The following SNAPC3 variants were observed in gnomAD, a reference collection of about 807,000 sequenced individuals.
SNAPC3 encodes snRNA-activating protein complex subunit 3.
In SNAPC3, 56 loss-of-function variants were observed where a neutral mutation model predicts 47.7. The observed-to-expected ratio is 1.18, with a 90% CI of 0.95 to 1.47. SNAPC3 has a LOEUF of 1.47. SNAPC3 is among the 40% of genes most tolerant of loss of function. The pLI is 0.00. For synonymous variants in SNAPC3, 235 were observed against 189.9 expected (o/e 1.24, Z -1.95); for missense variants, 665 against 511.3 (o/e 1.30, Z -2.90).
chr9:15,423,172 C>T lies in SNAPC3; in HGVS notation c.293C>T (p.Ala98Val), dbSNP rs926777093. 2.5e-6 allele frequency: 4 copies of T among 1,577,750 alleles called. No individual in the cohort carries two copies. The highest frequency in any genetic ancestry group is 3.4e-6 in the Non-Finnish European group (4 of 1,170,896). Reference protein sequence around the residue: ...RDLDCSLEAAAELRAVCGLDK... With the variant: ...RDLDCSLEAAVELRAVCGLDK... ...CTGGACTGCAGCCTGGAGGCGGCGG[C>T]TGAGCTGAGGGCGGTGTGCGGGTGA... The change falls in exon 1 of 9, where the codon GCT (alanine) becomes GTT (valine). Residue 98 changes from alanine (A) to valine (V), a missense_variant. Physicochemically the swap from Ala to Val is moderately conservative, Grantham distance 64 (BLOSUM62 0). Transcript: ENST00000380821.
intron 3 of SNAPC3, among the ~76,000 whole-genome samples, chr9:15,439,044 C>G (rs542544876): frequency 2.0e-5 from 3 of 152,218 alleles, no homozygotes; most frequent in Non-Finnish European, 4.4e-5. Flanking sequence ...GGGTCTTGCT[C>G]TCTTGCCCAG....
downstream of SNAPC3, chr9:15,465,147 C>A (rs1221979050): frequency 8.5e-6 from 2 of 236,310 alleles, no homozygotes; most frequent in Non-Finnish European, 1.7e-5. Flanking sequence ...ATGCACAAAA[C>A]CCACAGTATT....
intron 7 of SNAPC3, among the ~76,000 whole-genome samples, chr9:15,456,554 A>G (rs1009487337): frequency 2.6e-5 from 4 of 151,916 alleles, no homozygotes; most frequent in African/African-American, 9.7e-5. Flanking sequence ...TGCAGCCTCA[A>G]CCTCCTGGGC....
intron 3 of SNAPC3, among the ~76,000 whole-genome samples, chr9:15,437,045 C>T (rs1208741367): frequency 6.6e-6 from 1 of 151,756 alleles, no homozygotes; most frequent in Non-Finnish European, 1.5e-5. Context: ...AACTGGTCTC[C>T]AACTCCCAGC....
intron 5 of SNAPC3, among the ~76,000 whole-genome samples, chr9:15,449,561 ATATTTTTT>A (rs1172107010): frequency 1.6e-4 from 7 of 43,308 alleles, no homozygotes; most frequent in African/African-American, 8.3e-4. Flanking sequence ...ATATATATAT[ATATTTTTT>A]TTTTTTTTTT....
At chr9:15,465,403 A>T (rs1263626336), downstream of SNAPC3, 3 of 902,306 alleles carry the variant, frequency 3.3e-6, no homozygotes, top group Non-Finnish European at 5.1e-6. Context: ...TTCTCCCTCA[A>T]AACAAGTTTT....
chr9:15,459,348 C>A (rs2035027331), intron 8 of SNAPC3, among the ~76,000 whole-genome samples: 1 of 152,154 alleles, frequency 6.6e-6, no homozygotes, highest in Non-Finnish European at 1.5e-5. Flanking sequence ...TTTGTAGCAT[C>A]TAATTTTGCC....
intron 5 of SNAPC3, among the ~76,000 whole-genome samples, chr9:15,449,535 T>TTATATATA (rs538667627): frequency 1.4e-3 from 66 of 45,758 alleles, no homozygotes; most frequent in African/African-American, 4.6e-3. Context: ...TCTATTATTA[T>TTATATATA]TATATATATA....
At chr9:15,443,871 A>G (rs1163088523) in intron 3 of SNAPC3, among the ~76,000 whole-genome samples, 2 of 152,206 alleles carry the variant, frequency 1.3e-5, no homozygotes, top group Admixed American at 6.5e-5. Context: ...AAAAGCAGCA[A>G]CTTCTCTCGT....
chr9:15,449,029 C>G (rs1375713147), intron 5 of SNAPC3, among the ~76,000 whole-genome samples: 1 of 151,898 alleles, frequency 6.6e-6, no homozygotes, highest in Non-Finnish European at 1.5e-5. Flanking sequence ...AAGCTGGTGT[C>G]GAACTCCTGA....
At chr9:15,448,037 C>T (rs894715344) in intron 5 of SNAPC3, among the ~76,000 whole-genome samples, 1 of 152,172 alleles carries the variant, frequency 6.6e-6, no homozygotes, top group Non-Finnish European at 1.5e-5. Context: ...TTGAACTAAA[C>T]CTGCTACAAC....
intron 2 of SNAPC3, among the ~76,000 whole-genome samples, chr9:15,424,308 A>G (rs1392813882): frequency 1.3e-5 from 2 of 152,228 alleles, no homozygotes; most frequent in African/African-American, 2.4e-5. Flanking sequence ...TACATAATCT[A>G]TAATATTCAG....
Position 15,444,667 on chromosome 9 carries a change from C to T in SNAPC3, c.543C>T (p.Ile181=), listed in dbSNP as rs1438622323. ...SADMIEEGEL[I]LSVNILYPVI... ...ACATGATTGAAGAAGGGGAGCTTAT[C>T]CTATCTGTGAATATCTTGTACCCTG... is the stretch of plus-strand genomic sequence containing the variant. Residue 181 remains isoleucine (I), a synonymous_variant, in exon 4 of 9, where the codon ATC becomes ATT. Coordinates refer to ENST00000380821, the MANE Select transcript of SNAPC3 (RefSeq NM_001039697.2). The T allele has an allele frequency of 3.7e-6, 6 of 1,611,420 alleles. No individual in the cohort carries two copies. In the South Asian group the frequency reaches 4.4e-5, roughly 12 times the overall value.
chr9:15,444,743 G>A lies in SNAPC3; in HGVS notation c.582+37G>A, dbSNP rs140870629. The stretch of plus-strand genomic sequence containing the variant: ...AACCTTTTGGATTTTATGGATAATA[G>A]TAACTTTTGTAAAAGTGTTTAATTA... On this transcript the variant is annotated intron_variant, in intron 4 of 8. Transcript: ENST00000380821. 46 of 1,073,698 alleles carry A rather than the reference G, an allele frequency of 4.3e-5. No individual in the cohort carries two copies. The African/African-American group carries it at 6.7e-4, about 16-fold the overall frequency. 66.5% of individuals were successfully genotyped at this position (1,073,698 alleles called of 1,614,324 possible).
chr9:15,424,724 G>T (rs934983364), intron 2 of SNAPC3, among the ~76,000 whole-genome samples: 3 of 152,146 alleles, frequency 2.0e-5, no homozygotes, highest in Non-Finnish European at 4.4e-5. Context: ...TAGAGAAATT[G>T]TGCATGTAAT....
intron 2 of SNAPC3, among the ~76,000 whole-genome samples, chr9:15,426,141 A>G (rs1267438571): frequency 6.6e-6 from 1 of 152,120 alleles, no homozygotes; most frequent in East Asian, 1.9e-4. Flanking sequence ...GATATGAGCC[A>G]CCGCACCTGG....
intron 3 of SNAPC3, among the ~76,000 whole-genome samples, chr9:15,442,009 G>A (rs1006348356): frequency 6.0e-5 from 9 of 150,248 alleles, no homozygotes; most frequent in African/African-American, 9.8e-5. Context: ...ACAGGGCGGC[G>A]GCCAGGCGGA....
chr9:15,455,918 C>T (rs558475590), intron 7 of SNAPC3, among the ~76,000 whole-genome samples: 23 of 150,806 alleles, frequency 1.5e-4, no homozygotes, highest in Non-Finnish European at 2.4e-4. Context: ...CTTGTTGTCC[C>T]AGCTGGAGTG....
At position 15,422,901 on chromosome 9, in the gene SNAPC3, G is replaced by C; in HGVS notation, c.22G>C (p.Gly8Arg). The C allele has an allele frequency of 6.5e-7, 1 of 1,535,214 alleles. No homozygotes were observed. Among genetic ancestry groups the C allele is most frequent in the Non-Finnish European group, 8.8e-7 (1 of 1,141,376 alleles). MAEGSRG[G>R]PTCSGVGGRQ... ...GAACATGGCTGAAGGAAGCCGAGGT[G>C]GCCCTACGTGTAGCGGGGTGGGTGG... The change falls in exon 1 of 9, where the codon GGC becomes CGC. Residue 8 changes from glycine (G) to arginine (R), a missense_variant. Transcript: ENST00000380821.
Sources: allele counts gnomAD v4.1 joint callset (sites outside exome capture counted in the v4.1 genomes callset), GRCh38; gene constraint gnomAD v4.1.1; transcripts MANE v1.5; gene names NCBI Gene and HGNC (gene_info 2026-07-23, HGNC 2026-07-21).